KSR2: variants seen among roughly 807,000 people sequenced by gnomAD.
The protein encoded by KSR2 is kinase suppressor of ras 2.
A neutral mutation model predicts 107.8 loss-of-function variants in KSR2; 25 were observed. The ratio of observed to expected loss-of-function variants is 0.23; its 90% CI spans 0.17 to 0.32. The LOEUF (loss-of-function observed/expected upper bound fraction) is 0.32, where lower values mean the gene tolerates loss of function less well. Among genes scored for constraint, KSR2 ranks in the 10% least tolerant of loss-of-function variants. The pLI is 1.00. For synonymous variants in KSR2, 480 were observed against 507.0 expected, an observed-to-expected ratio of 0.95 and a Z score of 0.71; for missense variants, 887 against 1,268.9, an observed-to-expected ratio of 0.70 and a Z score of 4.57.
chr12:117,835,669 TG>T (rs1483921616), intron 3 of KSR2, among the ~76,000 whole-genome samples: 5 of 152,134 alleles, frequency 3.3e-5, no homozygotes, highest in Non-Finnish European at 5.9e-5. Context: ...GCATTTTTGA[TG>T]GTCACTACCA....
chr12:117,660,447 T>C (rs1884386819), intron 5 of KSR2, among the ~76,000 whole-genome samples: 1 of 152,152 alleles, frequency 6.6e-6, no homozygotes, highest in African/African-American at 2.4e-5. Context: ...GACTCATCAG[T>C]CCAATCTCTG....
chr12:117,574,527 TC>T (rs1033632266), intron 7 of KSR2, among the ~76,000 whole-genome samples: 8 of 152,172 alleles, frequency 5.3e-5, no homozygotes, highest in African/African-American at 1.9e-4. Context: ...GAAAGGGGTT[TC>T]CCCTCATAAA....
At chr12:117,593,326 C>G (rs916841291) in intron 5 of KSR2, among the ~76,000 whole-genome samples, 1 of 152,230 alleles carries the variant, frequency 6.6e-6, no homozygotes, top group African/African-American at 2.4e-5. Flanking sequence ...CCATCAATTT[C>G]CATTGTAAAT....
At chr12:117,596,847 C>T (rs1344230606) in intron 5 of KSR2, among the ~76,000 whole-genome samples, 2 of 152,210 alleles carry the variant, frequency 1.3e-5, no homozygotes, top group Non-Finnish European at 2.9e-5. Context: ...AGAGCAAGCA[C>T]CATGCTCACT....
At chr12:117,486,855 T>C (rs1872494331) in intron 14 of KSR2, among the ~76,000 whole-genome samples, 2 of 152,140 alleles carry the variant, frequency 1.3e-5, no homozygotes, top group East Asian at 3.9e-4. Flanking sequence ...AATACGAGGA[T>C]TGAATGAGAT....
intron 6 of KSR2, among the ~76,000 whole-genome samples, chr12:117,580,601 A>G (rs1204787656): frequency 6.6e-6 from 1 of 152,268 alleles, no homozygotes; most frequent in East Asian, 1.9e-4. Context: ...GGGTGAGTCC[A>G]GTTCTCTCTA....
intron 12 of KSR2, among the ~76,000 whole-genome samples, chr12:117,528,670 C>T (rs1459323002): frequency 1.3e-5 from 2 of 152,216 alleles, no homozygotes; most frequent in Non-Finnish European, 2.9e-5. Context: ...AATGAACCTG[C>T]ACGATGACAG....
chr12:117,886,670 A>G (rs1894186937), intron 1 of KSR2, among the ~76,000 whole-genome samples: 2 of 152,190 alleles, frequency 1.3e-5, no homozygotes, highest in Non-Finnish European at 2.9e-5. Context: ...TTAGCGACAT[A>G]TGACAGTATA....
At chr12:117,655,796 T>A (rs1884127743) in intron 5 of KSR2, among the ~76,000 whole-genome samples, 1 of 152,172 alleles carries the variant, frequency 6.6e-6, no homozygotes, top group South Asian at 2.1e-4. Context: ...TGACCCAGAC[T>A]ATCAAGATGA....
chr12:117,785,372 G>A (rs1470960400), intron 3 of KSR2, among the ~76,000 whole-genome samples: 3 of 121,464 alleles, frequency 2.5e-5, no homozygotes, highest in Non-Finnish European at 4.8e-5. Context: ...CCAAGATCCT[G>A]CCACTGCGCT....
chr12:117,453,335 G>C lies in KSR2; in HGVS notation c.*13864C>G, dbSNP rs1870429077. On this transcript the variant is annotated 3_prime_UTR_variant, in exon 20 of 20. Transcript: ENST00000339824. ...AGACATTGGCAACAAGTGAGAAAGA[G>C]AGAGACAGAGACGGAGACAGACAGA... The C allele has an allele frequency of 6.6e-6, 1 of 152,576 alleles. No homozygotes were observed. Among genetic ancestry groups the C allele is most frequent in the Admixed American group, 6.5e-5 (1 of 15,278 alleles). 9.5% of individuals were successfully genotyped at this position (152,576 alleles called of 1,614,324 possible).
intron 4 of KSR2, among the ~76,000 whole-genome samples, chr12:117,693,092 A>G (rs1004240928): frequency 1.3e-5 from 2 of 152,176 alleles, no homozygotes; most frequent in African/African-American, 4.8e-5. Flanking sequence ...AGACTGTGTA[A>G]TCCAAAGAAA....
rs192759726 is a variant in KSR2, at chr12:117,567,808, G to A, written c.1326-9235C>T. On this transcript the variant is annotated intron_variant, in intron 7 of 19. Transcript: ENST00000339824. Reference sequence around the variant, plus strand: ...AGCCAATGCTTCTAGAAATGACTCCGTACGCTCCAAGTGCAGGATATCAAA... The same window carrying A: ...AGCCAATGCTTCTAGAAATGACTCCATACGCTCCAAGTGCAGGATATCAAA... Among the ~76,000 whole-genome samples the A allele has an allele frequency of 5.8e-4, 87 of 151,172 alleles. 3 individuals carry two copies. Among genetic ancestry groups the A allele is most frequent in the African/African-American group, 1.8e-3 (74 of 40,846 alleles).
At chr12:117,884,737 G>A (rs993050161) in intron 1 of KSR2, among the ~76,000 whole-genome samples, 6 of 152,142 alleles carry the variant, frequency 3.9e-5, no homozygotes, top group Non-Finnish European at 7.4e-5. Context: ...GTGGCATAGC[G>A]AGTGGAAAGA....
At chr12:117,830,158 C>T (rs752205019) in intron 3 of KSR2, among the ~76,000 whole-genome samples, 4 of 152,018 alleles carry the variant, frequency 2.6e-5, no homozygotes, top group Non-Finnish European at 5.9e-5. Flanking sequence ...ATCCCAGCTA[C>T]TCGGGAGGCT....
intron 4 of KSR2, among the ~76,000 whole-genome samples, chr12:117,721,749 C>T (rs183084566): frequency 6.6e-6 from 1 of 152,190 alleles, no homozygotes; most frequent in Non-Finnish European, 1.5e-5. Flanking sequence ...AAGAAACTGG[C>T]ATCTTATTTC....
intron 10 of KSR2, among the ~76,000 whole-genome samples, chr12:117,536,215 C>A (rs1248497605): frequency 6.6e-6 from 1 of 152,114 alleles, no homozygotes; most frequent in Non-Finnish European, 1.5e-5. Context: ...GCTTAAATAG[C>A]CTTCAGAAAA....
chr12:117,468,668 CT>C (rs1871272682), intron 19 of KSR2, among the ~76,000 whole-genome samples: 1 of 152,142 alleles, frequency 6.6e-6, no homozygotes, highest in Non-Finnish European at 1.5e-5. Context: ...TACTGCTTGT[CT>C]TTAGAGGGTA....
intron 1 of KSR2, among the ~76,000 whole-genome samples, chr12:117,953,888 G>C (rs1341913139): frequency 6.6e-6 from 1 of 152,138 alleles, no homozygotes; most frequent in Non-Finnish European, 1.5e-5. Context: ...CTAGGAGTTT[G>C]AGACTGGCCT....
Sources: gnomAD v4.1 joint callset for allele counts (sites outside exome capture counted in the v4.1 genomes callset) on GRCh38, gnomAD v4.1.1 for gene constraint, MANE v1.5 for transcripts, NCBI Gene and HGNC (gene_info 2026-07-23, HGNC 2026-07-21) for gene names.